Variants in TNRC6A observed in about 807,000 individuals in gnomAD.
TNRC6A encodes trinucleotide repeat-containing gene 6A protein.
A neutral mutation model predicts 221.2 loss-of-function variants in TNRC6A; 44 were observed. The ratio of observed to expected loss-of-function variants is 0.20; its 90% CI spans 0.16 to 0.26. The LOEUF is 0.26. Ranked by LOEUF, TNRC6A falls within the 10% of genes least tolerant of loss-of-function variation. TNRC6A has a pLI of 1.00. For synonymous variants in TNRC6A, 847 were observed against 838.5 expected, an observed-to-expected ratio of 1.01 and a Z score of -0.18; for missense variants, 2,199 against 2,404.4, an observed-to-expected ratio of 0.91 and a Z score of 1.79.
chr16:24,717,669 C>T (rs1352569341), intron 2 of TNRC6A, among the ~76,000 whole-genome samples: 1 of 151,286 alleles, frequency 6.6e-6, no homozygotes. Flanking sequence ...TGCTGACAGT[C>T]ATGATATTAA....
intron 4 of TNRC6A, among the ~76,000 whole-genome samples, chr16:24,769,689 A>G (rs1301989294): frequency 6.6e-6 from 1 of 152,150 alleles, no homozygotes; most frequent in Non-Finnish European, 1.5e-5. Flanking sequence ...AGATTTATTT[A>G]AAACTATTGA....
intron 2 of TNRC6A, among the ~76,000 whole-genome samples, chr16:24,661,019 G>C (rs1300253993): frequency 6.6e-6 from 1 of 152,008 alleles, no homozygotes; most frequent in Non-Finnish European, 1.5e-5. Flanking sequence ...GGGATTACAG[G>C]CGTGAGCCAC....
intron 5 of TNRC6A, among the ~76,000 whole-genome samples, chr16:24,785,064 T>C (rs12708666): frequency 0.6 from 91,256 of 152,088 alleles, 27,728 homozygotes; most frequent in African/African-American, 0.69. Context: ...ATTCCCTTTC[T>C]CCACTGATTT....
intron 2 of TNRC6A, among the ~76,000 whole-genome samples, chr16:24,643,085 ATATATATTT>A (rs1902056081): frequency 7.3e-6 from 1 of 137,356 alleles, no homozygotes; most frequent in Admixed American, 7.9e-5. Flanking sequence ...TATATTATAT[ATATATATTT>A]TATATATATA....
Position 24,682,132 on chromosome 16 carries a change from G to T in TNRC6A, n.402+41123G>T, listed in dbSNP as rs144053194. On this transcript the variant is annotated intron_variant and non_coding_transcript_variant, in intron 2 of 2. Transcript: ENST00000566108. ...TGGGCAGAATGCACACAGTCTACCA[G>T]ATCTACTTGAGTAATTAATGTAAAC... Among the ~76,000 whole-genome samples, 70 of 152,234 alleles carry T rather than the reference G, an allele frequency of 4.6e-4. 1 individual carries two copies. Among genetic ancestry groups the T allele is most frequent in the African/African-American group, 1.6e-3 (66 of 41,558 alleles).
At chr16:24,819,721 C>A in intron 21 of TNRC6A, 2 of 200,338 alleles carry the variant, frequency 1.0e-5, no homozygotes, top group South Asian at 8.8e-5. Context: ...TTGGCAGCTC[C>A]TGAGTTGGGG....
At chr16:24,767,228 C>T (rs948963112) in intron 4 of TNRC6A, among the ~76,000 whole-genome samples, 4 of 152,192 alleles carry the variant, frequency 2.6e-5, no homozygotes, top group Admixed American at 6.5e-5. Flanking sequence ...GGAATACATA[C>T]GCTGAAGATG....
chr16:24,673,018 T>C (rs772958003), intron 2 of TNRC6A, among the ~76,000 whole-genome samples: 8 of 151,650 alleles, frequency 5.3e-5, no homozygotes, highest in Non-Finnish European at 1.2e-4. Flanking sequence ...CTGGACAACA[T>C]AGTGAGACCC....
At chr16:24,803,621 C>G (rs776405490) in intron 11 of TNRC6A, 6 of 152,270 alleles carry the variant, frequency 3.9e-5, no homozygotes, top group Non-Finnish European at 7.3e-5. Context: ...AAAACGAGGC[C>G]GGGCCTGGTG....
At chr16:24,626,841 G>T (rs1405281330) in intron 1 of TNRC6A, among the ~76,000 whole-genome samples, 1 of 151,254 alleles carries the variant, frequency 6.6e-6, no homozygotes, top group African/African-American at 2.4e-5. Flanking sequence ...TTAGTAGAGA[G>T]GGGGGTTTCA....
At chr16:24,715,939 T>C (rs1358992843) in intron 2 of TNRC6A, among the ~76,000 whole-genome samples, 1 of 152,134 alleles carries the variant, frequency 6.6e-6, no homozygotes, top group African/African-American at 2.4e-5. Context: ...AGTAGTTTTA[T>C]GGCATGCATG....
intron 2 of TNRC6A, among the ~76,000 whole-genome samples, chr16:24,649,396 A>T (rs1902503114): frequency 2.6e-5 from 4 of 151,934 alleles, no homozygotes; most frequent in Admixed American, 6.6e-5. Context: ...GAAACCTCGA[A>T]CTCCTGGGCT....
intron 1 of TNRC6A, among the ~76,000 whole-genome samples, chr16:24,627,263 C>T (rs1308573557): frequency 6.6e-6 from 1 of 152,094 alleles, no homozygotes; most frequent in East Asian, 1.9e-4. Context: ...CTACATCAGC[C>T]TCGATTGTTT....
chr16:24,682,406 T>TTTC (rs5816262), intron 2 of TNRC6A, among the ~76,000 whole-genome samples: 5 of 150,484 alleles, frequency 3.3e-5, no homozygotes, highest in African/African-American at 1.2e-4. Context: ...TTTTTTTTTT[T>TTTC]CAGTAGAGAT....
At chr16:24,796,111 G>A (rs2058214570) in intron 9 of TNRC6A, 172 bp downstream of exon 9, 1 of 593,496 alleles carries the variant, frequency 1.7e-6, no homozygotes, top group Admixed American at 3.0e-5. Context: ...GTCTAGTATG[G>A]GGCATTAGGA....
At chr16:24,628,041 G>T (rs1567308672) in intron 1 of TNRC6A, among the ~76,000 whole-genome samples, 1 of 151,756 alleles carries the variant, frequency 6.6e-6, no homozygotes. Flanking sequence ...TGTAAAATTT[G>T]TATGTATGTA....
chr16:24,817,826 C>T (rs2058685360), intron 20 of TNRC6A, among the ~76,000 whole-genome samples: 1 of 152,150 alleles, frequency 6.6e-6, no homozygotes, highest in Non-Finnish European at 1.5e-5. Flanking sequence ...TCACAGACAG[C>T]TCTGCCCGCT....
rs2058842265 is a variant in TNRC6A, at chr16:24,825,020, T to G, written c.*1213T>G. 6.6e-6 allele frequency: 1 copy of G among 152,650 alleles called. No individual in the cohort carries two copies. The highest frequency in any genetic ancestry group is 2.4e-5 in the African/African-American group (1 of 41,458). The allele number at this position is 152,650 out of a possible 1,614,324, so 9.5% of individuals were successfully genotyped here. A position where few individuals can be genotyped will look rare whatever the true frequency, so the allele number is the denominator to read the frequency against. On this transcript the variant is annotated 3_prime_UTR_variant, in exon 25 of 25. Transcript: ENST00000395799. The stretch of plus-strand genomic sequence containing the variant: ...TGTAATCCCATCAAGTGGCTCCATA[T>G]GTTTCTGCTCTCTCGTGACTGTGTT...
In TNRC6A at chr16:24,823,323, G is replaced by A; in HGVS notation, c.5514-109G>A. On this transcript the variant is annotated intron_variant, in intron 24 of 24. Transcript: ENST00000395799. This position sits in a 1 kb window ranked among gnomAD's most constrained non-coding sequence, Gnocchi z 4.3. ...GTTATGTGGTGTAGTCTCTCCCTCT[G>A]TGCCTTCTGTGGCTTTTCTAGCAGA... is the stretch of plus-strand genomic sequence containing the variant. 1 of 1,367,638 alleles carries A rather than the reference G, an allele frequency of 7.3e-7. No individual in the cohort carries two copies. The highest frequency in any genetic ancestry group is 1.0e-6 in the Non-Finnish European group (1 of 1,004,568). The allele number at this position is 1,367,638 out of a possible 1,614,324, so 84.7% of individuals were successfully genotyped here. A position where few individuals can be genotyped will look rare whatever the true frequency, so the allele number is the denominator to read the frequency against.
Sources: allele counts gnomAD v4.1 joint callset (sites outside exome capture counted in the v4.1 genomes callset), GRCh38; gene constraint gnomAD v4.1.1; non-coding constraint Gnocchi (gnomAD v3.1); transcripts MANE v1.5; gene names NCBI Gene and HGNC (gene_info 2026-07-23, HGNC 2026-07-21).